GRK5: variants seen among roughly 807,000 people sequenced by gnomAD.
GRK5 encodes the protein G protein-coupled receptor kinase 5.
A neutral mutation model predicts 78.4 loss-of-function variants in GRK5; 40 were observed. The ratio of observed to expected loss-of-function variants is 0.51; its 90% CI spans 0.40 to 0.66. The LOEUF is 0.66. GRK5 is among the 30% of genes least tolerant of loss of function. The pLI is 0.00. For synonymous variants in GRK5, 289 were observed against 296.8 expected (o/e 0.97, Z 0.27); for missense variants, 598 against 759.9 (o/e 0.79, Z 2.50).
At position 119,217,051 on chromosome 10, in the gene GRK5, G is replaced by C. The variant is rs77984972; in HGVS notation, c.52+9082G>C. 0.016 allele frequency among the ~76,000 whole-genome samples: 2,489 copies of C among 152,260 alleles called. 35 individuals are homozygous for C. Among genetic ancestry groups the C allele is most frequent in the Non-Finnish European group, 0.024 (1,635 of 68,014 alleles). On this transcript the variant is annotated intron_variant, in intron 1 of 15. Transcript: ENST00000392870. This position sits in a 1 kb window ranked among gnomAD's most constrained non-coding sequence, Gnocchi z 4.1. ...GTGGATCTCCCCTATCCTCCAAAGT[G>C]CTTTTATGTTCCAAAATAAATCTTT...
At position 119,452,773 on chromosome 10, in the gene GRK5, T is replaced by G. The variant is rs1182141595; in HGVS notation, c.1507T>G (p.Ser503Ala). 2.1e-6 allele frequency: 3 copies of G among 1,396,120 alleles called. No individual in the cohort carries two copies. Among genetic ancestry groups the G allele is most frequent in the Non-Finnish European group, 2.9e-6 (3 of 1,043,160 alleles). 86.5% of individuals were successfully genotyped at this position (1,396,120 alleles called of 1,614,324 possible). ...AGACGACGACTTCTACTCCAAGTTC[T>G]CCACGGGCTCTGTGTCCATCCCATG... ...HTDDDFYSKF[S>A]TGSVSIPWQN... is the part of the protein sequence containing the mutation. The change falls in exon 14 of 16, where the codon TCC becomes GCC. Residue 503 changes from serine (S) to alanine (A), a missense_variant. By Grantham distance (99) the Ser-to-Ala change is moderately conservative (BLOSUM62 1). Coordinates refer to ENST00000392870, the MANE Select transcript of GRK5 (RefSeq NM_005308.3). The surrounding 1 kb of genome is among the most constrained non-coding windows in gnomAD (Gnocchi z 4.4).
intron 1 of GRK5, among the ~76,000 whole-genome samples, chr10:119,243,683 A>G (rs980124609): frequency 6.6e-6 from 1 of 151,976 alleles, no homozygotes; most frequent in African/African-American, 2.4e-5. Context: ...CCCAAGGCAA[A>G]TAGAGCTTCT....
intron 4 of GRK5, among the ~76,000 whole-genome samples, chr10:119,416,652 T>C (rs997648869): frequency 9.2e-5 from 14 of 151,524 alleles, no homozygotes; most frequent in Non-Finnish European, 1.5e-4. Flanking sequence ...GTGCAGTGGC[T>C]CAGTGATCTC....
Position 119,431,774 on chromosome 10 carries a change from G to C in GRK5, c.738+247G>C, listed in dbSNP as rs1022576616. Among the ~76,000 whole-genome samples, 2 of 152,206 alleles carry C rather than the reference G, an allele frequency of 1.3e-5. No homozygotes were observed. The highest frequency in any genetic ancestry group is 2.9e-5 in the Non-Finnish European group (2 of 68,038). On this transcript the variant is annotated intron_variant, in intron 8 of 15. Transcript: ENST00000392870. This position sits in a 1 kb window ranked among gnomAD's most constrained non-coding sequence, Gnocchi z 4.8. ...GTGCCTGGCTCCCTGCTGTGCATGA[G>C]ACCGACGCCTCTGTTCTCCTGGACC... is the stretch of plus-strand genomic sequence containing the variant.
At chr10:119,391,527 C>T (rs1463078737) in intron 3 of GRK5, among the ~76,000 whole-genome samples, 1 of 152,202 alleles carries the variant, frequency 6.6e-6, no homozygotes, top group Non-Finnish European at 1.5e-5. Context: ...CCTGAGCCTC[C>T]ACCACCCCGC....
chr10:119,388,539 G>A (rs1851836419), intron 3 of GRK5, among the ~76,000 whole-genome samples: 2 of 151,930 alleles, frequency 1.3e-5, no homozygotes, highest in African/African-American at 4.8e-5. Flanking sequence ...GTTTCACCAG[G>A]TTGGCCAGGC....
At chr10:119,434,745 C>A (rs1852887321) in intron 8 of GRK5, among the ~76,000 whole-genome samples, 1 of 152,224 alleles carries the variant, frequency 6.6e-6, no homozygotes, top group African/African-American at 2.4e-5. Context: ...ATTCTGGGGT[C>A]TGGAGGACAG....
At chr10:119,408,965 G>T (rs1032134009) in intron 4 of GRK5, among the ~76,000 whole-genome samples, 9 of 152,314 alleles carry the variant, frequency 5.9e-5, no homozygotes, top group African/African-American at 2.2e-4. Flanking sequence ...TTGTCTTCTT[G>T]AAAGTTAACC....
chr10:119,261,299 A>AT (rs1849392516), intron 1 of GRK5, among the ~76,000 whole-genome samples: 1 of 110,232 alleles, frequency 9.1e-6, no homozygotes, highest in African/African-American at 3.6e-5. Flanking sequence ...CATCCCAGAC[A>AT]GGGCGGCGGG....
At chr10:119,320,586 C>G (rs973283155) in intron 1 of GRK5, among the ~76,000 whole-genome samples, 2 of 152,144 alleles carry the variant, frequency 1.3e-5, no homozygotes, top group Admixed American at 6.5e-5. Context: ...TCAGAGGAGA[C>G]CTCCAGGAAG....
At chr10:119,385,594 G>T (rs1851781206) in intron 3 of GRK5, among the ~76,000 whole-genome samples, 1 of 152,194 alleles carries the variant, frequency 6.6e-6, no homozygotes, top group Admixed American at 6.5e-5. Flanking sequence ...GGTGAGAAGT[G>T]GTTGGATTTG....
chr10:119,332,710 TC>T (rs1850803187), intron 2 of GRK5, among the ~76,000 whole-genome samples: 1 of 152,154 alleles, frequency 6.6e-6, no homozygotes, highest in Non-Finnish European at 1.5e-5. Context: ...TCATCTTGGA[TC>T]CTTCCCTCCT....
chr10:119,244,140 G>T (rs1344581718), intron 1 of GRK5, among the ~76,000 whole-genome samples: 1 of 152,246 alleles, frequency 6.6e-6, no homozygotes, highest in African/African-American at 2.4e-5. Flanking sequence ...GCAGCCACAG[G>T]CTATACCTAA....
chr10:119,366,604 C>T (rs1374084850), intron 2 of GRK5, among the ~76,000 whole-genome samples: 2 of 152,138 alleles, frequency 1.3e-5, no homozygotes, highest in African/African-American at 2.4e-5. Flanking sequence ...ATGTTGAGGC[C>T]CAGTTGATAG....
chr10:119,245,490 G>A (rs1353730537), intron 1 of GRK5, among the ~76,000 whole-genome samples: 4 of 152,178 alleles, frequency 2.6e-5, no homozygotes, highest in Admixed American at 1.3e-4. Context: ...GTATGAACTT[G>A]TAGGACATTA....
intron 4 of GRK5, among the ~76,000 whole-genome samples, chr10:119,410,251 C>T (rs775524649): frequency 1.3e-5 from 2 of 152,192 alleles, no homozygotes; most frequent in Non-Finnish European, 2.9e-5. Flanking sequence ...ATTTTCCTTT[C>T]CTTCTCATTA....
intron 1 of GRK5, among the ~76,000 whole-genome samples, chr10:119,262,275 C>G (rs904257268): frequency 2.6e-4 from 39 of 150,778 alleles, no homozygotes; most frequent in African/African-American, 9.5e-4. Flanking sequence ...GAAGTCAGAG[C>G]CAAATAGGGT....
At chr10:119,377,749 A>G (rs947479292) in intron 2 of GRK5, among the ~76,000 whole-genome samples, 2 of 152,242 alleles carry the variant, frequency 1.3e-5, no homozygotes, top group Non-Finnish European at 2.9e-5. Context: ...AGGGATCACA[A>G]TATGGCACAT....
intron 1 of GRK5, among the ~76,000 whole-genome samples, chr10:119,278,299 G>T (rs1407367871): frequency 6.6e-6 from 1 of 151,830 alleles, no homozygotes; most frequent in Non-Finnish European, 1.5e-5. Context: ...ACTGCAGGCC[G>T]CCCCTCTGCT....
Sources: gnomAD v4.1 joint callset for allele counts (sites outside exome capture counted in the v4.1 genomes callset) on GRCh38, gnomAD v4.1.1 for gene constraint, Gnocchi (gnomAD v3.1) non-coding constraint, MANE v1.5 for transcripts, NCBI Gene and HGNC (gene_info 2026-07-23, HGNC 2026-07-21) for gene names.